The following ANK3 variants were observed in gnomAD, a reference collection of about 807,000 sequenced individuals.
ANK3 encodes ankyrin-3.
ANK3 carries 57 observed loss-of-function variants against 370.9 expected under a neutral mutation model. That is an observed-to-expected ratio of 0.15 (90% CI 0.12 to 0.19). The LOEUF (loss-of-function observed/expected upper bound fraction) is 0.19, where lower values mean the gene tolerates loss of function less well. ANK3 is among the 10% of genes least tolerant of loss of function. The pLI, the probability that ANK3 is intolerant of heterozygous loss-of-function variation, is 1.00. For missense variants in ANK3, 4,439 were observed against 5,302.1 expected (o/e 0.84, Z 5.06); for synonymous variants, 1,929 against 1,946.3 (o/e 0.99, Z 0.23).
chr10:60,583,708 G>A (rs1453462324), intron 2 of ANK3, among the ~76,000 whole-genome samples: 1 of 151,722 alleles, frequency 6.6e-6, no homozygotes, highest in Non-Finnish European at 1.5e-5. Flanking sequence ...TCAGCCTCCT[G>A]AGTAGCTGGG....
chr10:60,090,805 T>A (rs1325528212), intron 28 of ANK3, among the ~76,000 whole-genome samples: 3 of 152,248 alleles, frequency 2.0e-5, no homozygotes, highest in African/African-American at 7.2e-5. Flanking sequence ...AGTGCTTTCA[T>A]TACTGCAAGT....
intron 1 of ANK3, among the ~76,000 whole-genome samples, chr10:60,316,720 A>T: frequency 6.6e-6 from 1 of 151,986 alleles, no homozygotes. Context: ...TAGTTTAACC[A>T]TCCATATTCC....
At chr10:60,488,004 G>C (rs1187162193) in intron 2 of ANK3, among the ~76,000 whole-genome samples, 2 of 151,982 alleles carry the variant, frequency 1.3e-5, no homozygotes, top group East Asian at 3.9e-4. Flanking sequence ...CAAAACCCTG[G>C]GCATCTCATC....
At chr10:60,283,134 T>C (rs1418630536) in intron 1 of ANK3, among the ~76,000 whole-genome samples, 2 of 152,172 alleles carry the variant, frequency 1.3e-5, no homozygotes, top group Non-Finnish European at 2.9e-5. Flanking sequence ...TCCTCTAAAA[T>C]AACCTTGCAT....
chr10:60,361,068 G>A (rs1323518659), intron 1 of ANK3, among the ~76,000 whole-genome samples: 1 of 152,146 alleles, frequency 6.6e-6, no homozygotes, highest in African/African-American at 2.4e-5. Context: ...ACTCATGCAG[G>A]TTTTTATCAA....
intron 36 of ANK3, 54 bp downstream of exon 36, chr10:60,080,483 A>ATC: frequency 6.6e-7 from 1 of 1,509,682 alleles, no homozygotes. Context: ...TATAGAAAAA[A>ATC]TGTCTCTTCT....
chr10:60,209,840 A>G (rs1954134), intron 9 of ANK3, among the ~76,000 whole-genome samples: 87,408 of 151,976 alleles, frequency 0.58, 25,254 homozygotes, highest in East Asian at 0.79. Context: ...GTGGAGAGTA[A>G]AAATGGGAGG....
intron 23 of ANK3, among the ~76,000 whole-genome samples, chr10:60,162,206 G>A (rs2095517316): frequency 6.6e-6 from 1 of 152,120 alleles, no homozygotes; most frequent in Non-Finnish European, 1.5e-5. Context: ...CAATGAAAGA[G>A]ATGATCTATG....
intron 23 of ANK3, among the ~76,000 whole-genome samples, chr10:60,160,517 A>C (rs1329767006): frequency 2.0e-5 from 3 of 152,106 alleles, no homozygotes; most frequent in African/African-American, 7.2e-5. Context: ...TATTATTCCA[A>C]AAATTTGAGG....
intron 2 of ANK3, among the ~76,000 whole-genome samples, chr10:60,543,011 C>T (rs2076884156): frequency 6.6e-6 from 1 of 151,928 alleles, no homozygotes. Flanking sequence ...AGTAATCTTT[C>T]TAGTAAAATG....
chr10:60,697,740 T>C (rs1489533685), intron 1 of ANK3, among the ~76,000 whole-genome samples: 7 of 152,138 alleles, frequency 4.6e-5, no homozygotes, highest in Admixed American at 2.6e-4. Flanking sequence ...TTACACCTTA[T>C]ATAAAAATCA....
intron 2 of ANK3, among the ~76,000 whole-genome samples, chr10:60,505,020 C>T (rs916684079): frequency 4.8e-4 from 73 of 151,974 alleles, no homozygotes; most frequent in Admixed American, 4.8e-3. Flanking sequence ...AAAAAACTCC[C>T]TTTTTTAGAC....
Position 60,029,805 on chromosome 10 carries a change from C to G in ANK3, c.*41G>C, listed in dbSNP as rs1006547150. ...CATTTCTTCCACGAATTTCTCAATA[C>G]TGGCAGTAAAAACTTATGATCCTGT... On this transcript the variant is annotated 3_prime_UTR_variant, in exon 44 of 44. Transcript: ENST00000280772. 4 of 147,446 alleles carry G rather than the reference C, an allele frequency of 2.7e-5. No individual in the cohort carries two copies. Among genetic ancestry groups the G allele is most frequent in the African/African-American group, 1.0e-4 (4 of 39,366 alleles). The allele number at this position is 147,446 out of a possible 1,614,324, so 9.1% of individuals were successfully genotyped here. A position where few individuals can be genotyped will look rare whatever the true frequency, so the allele number is the denominator to read the frequency against.
rs1271660185 is a variant in ANK3 at position 60,072,205 on chromosome 10, A to T, written c.8676T>A (p.Asp2892Glu). ...TCACAGACATAAATTCATTCTTTTG[A>T]TCAACACTTTTACTCTCAGGGTGAC... ...HIGHPESKSV[D>E]QKNEFMSVTE... Residue 2892 changes from aspartate to glutamate, a missense_variant, in exon 37 of 44, where the codon GAT becomes GAA. Coordinates refer to ENST00000280772, the MANE Select transcript of ANK3 (RefSeq NM_020987.5). 3 of 1,613,912 alleles carry T rather than the reference A, an allele frequency of 1.9e-6. No homozygotes were observed. The Admixed American group carries it at 5.0e-5, about 27-fold the overall frequency.
At chr10:60,342,545 A>G (rs1212525277) in intron 1 of ANK3, among the ~76,000 whole-genome samples, 2 of 152,182 alleles carry the variant, frequency 1.3e-5, no homozygotes, top group Non-Finnish European at 2.9e-5. Flanking sequence ...AGGCAATGGT[A>G]TTGGCAGTAC....
At chr10:60,058,755 ATTC>A (rs1423752392) in intron 41 of ANK3, among the ~76,000 whole-genome samples, 4 of 152,088 alleles carry the variant, frequency 2.6e-5, no homozygotes, top group South Asian at 2.1e-4. Context: ...TTCATTCATT[ATTC>A]TTCTTATGTT....
intron 2 of ANK3, among the ~76,000 whole-genome samples, chr10:60,409,041 A>G (rs2063508755): frequency 6.6e-6 from 1 of 152,200 alleles, no homozygotes; most frequent in Admixed American, 6.5e-5. Flanking sequence ...ATGTCAATAT[A>G]TCTGGGAAGG....
chr10:60,339,815 A>G (rs2053841423), intron 1 of ANK3, among the ~76,000 whole-genome samples: 2 of 152,208 alleles, frequency 1.3e-5, no homozygotes, highest in African/African-American at 4.8e-5. Context: ...CAGCAGCAGT[A>G]GCGGTACTAA....
At chr10:60,048,549 G>C (rs2077319573) in intron 42 of ANK3, among the ~76,000 whole-genome samples, 1 of 152,164 alleles carries the variant, frequency 6.6e-6, no homozygotes, top group Non-Finnish European at 1.5e-5. Flanking sequence ...AAATGGTGCA[G>C]TATTTGCATA....
Sources: allele counts gnomAD v4.1 joint callset (sites outside exome capture counted in the v4.1 genomes callset), GRCh38; gene constraint gnomAD v4.1.1; transcripts MANE v1.5; gene names NCBI Gene and HGNC (gene_info 2026-07-23, HGNC 2026-07-21).